The following RGS7 variants were observed in gnomAD, a reference collection of about 807,000 sequenced individuals.
RGS7 encodes the protein regulator of G-protein signaling 7.
Under a neutral mutation model 81.1 loss-of-function variants are expected in RGS7, and 27 were observed. The ratio of observed to expected loss-of-function variants is 0.33; its 90% CI spans 0.25 to 0.46. The LOEUF is 0.46. Ranked by LOEUF, RGS7 falls within the 20% of genes least tolerant of loss-of-function variation. RGS7 has a pLI of 1.00. For missense variants in RGS7, 396 were observed against 607.4 expected, an observed-to-expected ratio of 0.65 and a Z score of 3.66; for synonymous variants, 208 against 207.7, an observed-to-expected ratio of 1.00 and a Z score of -0.01.
chr1:240,860,210 C>T (rs1003957299), intron 9 of RGS7, among the ~76,000 whole-genome samples: 1 of 152,100 alleles, frequency 6.6e-6, no homozygotes, highest in Admixed American at 6.6e-5. Context: ...CAGTTAGATC[C>T]AGTTGATTGA....
intron 3 of RGS7, among the ~76,000 whole-genome samples, chr1:241,046,309 C>CG (rs746481990): frequency 2.7e-4 from 5 of 18,736 alleles, no homozygotes; most frequent in Admixed American, 2.4e-3. Context: ...CTGACCCCCC[C>CG]CCCCTTTTCT....
intron 6 of RGS7, among the ~76,000 whole-genome samples, chr1:240,887,195 T>C (rs1667474782): frequency 6.6e-6 from 1 of 151,598 alleles, no homozygotes; most frequent in Non-Finnish European, 1.5e-5. Context: ...ATAAATGAAA[T>C]ATCCTTTTGA....
chr1:240,995,637 C>T (rs182141152), intron 3 of RGS7, among the ~76,000 whole-genome samples: 153 of 150,764 alleles, frequency 1.0e-3, no homozygotes, highest in African/African-American at 3.5e-3. Context: ...ATTCTTTTAT[C>T]CTTTAGATGT....
At chr1:241,060,252 C>T (rs1431867181) in intron 3 of RGS7, among the ~76,000 whole-genome samples, 5 of 152,090 alleles carry the variant, frequency 3.3e-5, no homozygotes. Context: ...AAAAGAAATG[C>T]CAAACCACTT....
At chr1:241,262,474 C>T (rs1449377901) in intron 2 of RGS7, among the ~76,000 whole-genome samples, 16 of 152,176 alleles carry the variant, frequency 1.1e-4, no homozygotes, top group Non-Finnish European at 1.5e-5. Flanking sequence ...CTCAATAAGC[C>T]TCATGAGAAA....
intron 2 of RGS7, among the ~76,000 whole-genome samples, chr1:241,294,768 G>A (rs1054523338): frequency 2.6e-5 from 4 of 152,186 alleles, no homozygotes; most frequent in African/African-American, 9.6e-5. Flanking sequence ...TTACCATGGT[G>A]TTACAACTGC....
chr1:240,966,485 T>A (rs1572033925), intron 4 of RGS7, among the ~76,000 whole-genome samples: 1 of 152,180 alleles, frequency 6.6e-6, no homozygotes, highest in African/African-American at 2.4e-5. Context: ...GTTATGGCCT[T>A]GCTGTTCCTT....
At chr1:241,025,269 A>G (rs1477662013) in intron 3 of RGS7, among the ~76,000 whole-genome samples, 3 of 152,266 alleles carry the variant, frequency 2.0e-5, no homozygotes, top group African/African-American at 7.2e-5. Flanking sequence ...CAACATCAGT[A>G]GAGGGGTAGT....
At chr1:241,319,616 C>T (rs1399664898) in intron 2 of RGS7, among the ~76,000 whole-genome samples, 1 of 152,058 alleles carries the variant, frequency 6.6e-6, no homozygotes, top group African/African-American at 2.4e-5. Flanking sequence ...CGTCAAATTC[C>T]TGGCCTTAAG....
chr1:241,244,392 T>C (rs1304170327), intron 2 of RGS7, among the ~76,000 whole-genome samples: 1 of 151,980 alleles, frequency 6.6e-6, no homozygotes, highest in Non-Finnish European at 1.5e-5. Context: ...GAAATGCAAA[T>C]CAAAACCACA....
intron 3 of RGS7, among the ~76,000 whole-genome samples, chr1:241,030,312 A>G (rs2060002076): frequency 6.9e-6 from 1 of 144,336 alleles, no homozygotes; most frequent in Non-Finnish European, 1.5e-5. Context: ...ACCCTCCCAC[A>G]GGGCTTGGAA....
At chr1:241,248,502 C>T (rs2076670252) in intron 2 of RGS7, among the ~76,000 whole-genome samples, 3 of 151,138 alleles carry the variant, frequency 2.0e-5, no homozygotes, top group South Asian at 2.1e-4. Flanking sequence ...GACTGTGGTT[C>T]AGTCTCCCAT....
At chr1:240,985,958 TA>T in intron 3 of RGS7, among the ~76,000 whole-genome samples, 1 of 134,910 alleles carries the variant, frequency 7.4e-6, no homozygotes, top group Non-Finnish European at 1.5e-5. Context: ...ATTAAATAAA[TA>T]AATAAATAAA....
rs546640862 is a variant in RGS7 at position 240,833,235 on chromosome 1, A to G, written c.610-6063T>C. 2.6e-5 allele frequency among the ~76,000 whole-genome samples: 4 copies of G among 152,298 alleles called. No individual in the cohort carries two copies. In the South Asian group the frequency reaches 8.3e-4, roughly 32 times the overall value. On this transcript the variant is annotated intron_variant, in intron 9 of 18. Transcript: ENST00000440928. Reference sequence around the variant, plus strand: ...ACTACTAAGTGCCTAACAGGTGGGTACCACAGACAGCGTGGATCTGCTGGA... The same window carrying G: ...ACTACTAAGTGCCTAACAGGTGGGTGCCACAGACAGCGTGGATCTGCTGGA...
chr1:241,286,597 C>A (rs2078824506), intron 2 of RGS7, among the ~76,000 whole-genome samples: 1 of 152,166 alleles, frequency 6.6e-6, no homozygotes, highest in South Asian at 2.1e-4. Flanking sequence ...ACCTACCTCC[C>A]CAGGAATCAG....
chr1:241,267,785 T>G (rs752835473), intron 2 of RGS7, among the ~76,000 whole-genome samples: 7 of 152,238 alleles, frequency 4.6e-5, no homozygotes, highest in Non-Finnish European at 8.8e-5. Context: ...TCCTCTGATT[T>G]CTCTCTTTAG....
chr1:241,075,574 A>C (rs2062745674), intron 3 of RGS7, among the ~76,000 whole-genome samples: 3 of 151,866 alleles, frequency 2.0e-5, no homozygotes, highest in Non-Finnish European at 4.4e-5. Context: ...CATAAATCAC[A>C]CTAACACTAA....
At chr1:240,936,332 A>C (rs192872406) in intron 5 of RGS7, among the ~76,000 whole-genome samples, 53 of 152,366 alleles carry the variant, frequency 3.5e-4, no homozygotes, top group Admixed American at 1.3e-4. Context: ...AAGTCACTTT[A>C]TGAATTTCCC....
chr1:241,154,627 C>T (rs1198979967), intron 2 of RGS7, among the ~76,000 whole-genome samples: 2 of 152,194 alleles, frequency 1.3e-5, no homozygotes, highest in East Asian at 3.9e-4. Flanking sequence ...GGCCAGAGGT[C>T]ATTAAAATAT....
Sources: gnomAD v4.1 joint callset for allele counts (sites outside exome capture counted in the v4.1 genomes callset) on GRCh38, gnomAD v4.1.1 for gene constraint, MANE v1.5 for transcripts, NCBI Gene and HGNC (gene_info 2026-07-23, HGNC 2026-07-21) for gene names.